AMOTL1: variants seen among roughly 807,000 people sequenced by gnomAD.
AMOTL1 encodes the protein angiomotin-like protein 1.
AMOTL1 carries 45 observed loss-of-function variants against 102.9 expected under a neutral mutation model. The observed-to-expected ratio is 0.44, with a 90% CI of 0.34 to 0.56. The LOEUF is 0.56. Ranked by LOEUF, AMOTL1 falls within the 20% of genes least tolerant of loss-of-function variation. The pLI, the probability that AMOTL1 is intolerant of heterozygous loss-of-function variation, is 0.01. For synonymous variants in AMOTL1, 481 were observed against 484.7 expected (o/e 0.99, Z 0.10); for missense variants, 1,114 against 1,225.6 (o/e 0.91, Z 1.36).
intron 8 of AMOTL1, among the ~76,000 whole-genome samples, chr11:94,855,511 C>T (rs922408266): frequency 9.2e-5 from 14 of 152,212 alleles, no homozygotes; most frequent in Admixed American, 7.2e-4. Context: ...GTTCCAGGTA[C>T]AGCACTGGCC....
At chr11:94,724,317 G>A (rs925286472) in intron 1 of AMOTL1, among the ~76,000 whole-genome samples, 3 of 152,136 alleles carry the variant, frequency 2.0e-5, no homozygotes, top group African/African-American at 4.8e-5. Flanking sequence ...CAGGAGTTCC[G>A]GGAACAGCTC....
chr11:94,793,909 A>T (rs907064484), intron 1 of AMOTL1, among the ~76,000 whole-genome samples: 3 of 152,236 alleles, frequency 2.0e-5, no homozygotes, highest in Admixed American at 6.5e-5. Context: ...ATGTGCCTGT[A>T]ATACATGTGA....
chr11:94,729,202 T>C, intron 2 of AMOTL1: 1 of 469,186 alleles, frequency 2.1e-6, no homozygotes, highest in Non-Finnish European at 3.5e-6. Flanking sequence ...GACTTTGAAG[T>C]CAGACAGACC....
At chr11:94,828,441 T>TA (rs1326125825) in intron 4 of AMOTL1, among the ~76,000 whole-genome samples, 1 of 152,134 alleles carries the variant, frequency 6.6e-6, no homozygotes, top group Non-Finnish European at 1.5e-5. Flanking sequence ...TATAAAAACT[T>TA]GGATGAGATC....
At chr11:94,750,808 A>G (rs966203938) in intron 3 of AMOTL1, among the ~76,000 whole-genome samples, 1 of 152,148 alleles carries the variant, frequency 6.6e-6, no homozygotes, top group Non-Finnish European at 1.5e-5. Flanking sequence ...CAACAAAACA[A>G]TCACAAAATA....
chr11:94,845,385 A>G (rs11827995), intron 6 of AMOTL1, among the ~76,000 whole-genome samples: 7,331 of 152,266 alleles, frequency 0.048, 558 homozygotes, highest in African/African-American at 0.17. Flanking sequence ...TCGACATTGT[A>G]CAAGTGTCAT....
At chr11:94,807,562 C>T (rs1951587190) in intron 3 of AMOTL1, among the ~76,000 whole-genome samples, 3 of 152,070 alleles carry the variant, frequency 2.0e-5, no homozygotes, top group African/African-American at 4.8e-5. Context: ...GAAGAAAAAT[C>T]CATAGTCCCA....
intron 1 of AMOTL1, among the ~76,000 whole-genome samples, chr11:94,708,852 A>G (rs79557862): frequency 0.012 from 1,900 of 152,284 alleles, 46 homozygotes; most frequent in African/African-American, 0.043. Context: ...AGTACTACCA[A>G]TTGAGTACAG....
chr11:94,827,420 C>T (rs558098861), intron 4 of AMOTL1, among the ~76,000 whole-genome samples: 69 of 152,218 alleles, frequency 4.5e-4, no homozygotes, highest in Middle Eastern at 6.8e-3. Flanking sequence ...GTGACATGCC[C>T]AGCTGTCTGA....
intron 1 of AMOTL1, among the ~76,000 whole-genome samples, chr11:94,709,878 G>A (rs1233807551): frequency 1.3e-5 from 2 of 152,134 alleles, no homozygotes; most frequent in East Asian, 3.9e-4. Context: ...CCCCTGAGAT[G>A]GTGTCAGAAA....
intron 4 of AMOTL1, among the ~76,000 whole-genome samples, chr11:94,826,111 C>T (rs1248519265): frequency 6.6e-6 from 1 of 151,990 alleles, no homozygotes; most frequent in African/African-American, 2.4e-5. Flanking sequence ...ATGGTGAAAC[C>T]CCATGTCTAC....
intron 2 of AMOTL1, among the ~76,000 whole-genome samples, chr11:94,739,964 AATCTTTTAT>A (rs1421339847): frequency 2.6e-5 from 4 of 152,130 alleles, no homozygotes; most frequent in African/African-American, 9.7e-5. Context: ...GAAAGCAGTC[AATCTTTTAT>A]AGAGTAGAAG....
At chr11:94,796,929 A>G in intron 2 of AMOTL1, 1 of 914,500 alleles carries the variant, frequency 1.1e-6, no homozygotes, top group South Asian at 5.1e-5. Context: ...ATATAAGCAT[A>G]TCACACCACC....
chr11:94,860,590 G>A (rs1006440002), intron 9 of AMOTL1, among the ~76,000 whole-genome samples: 4 of 152,310 alleles, frequency 2.6e-5, no homozygotes, highest in Non-Finnish European at 5.9e-5. Context: ...TGGGGTGGCT[G>A]TGCAGGGGAC....
At chr11:94,771,611 T>C (rs1047307178) in intron 1 of AMOTL1, among the ~76,000 whole-genome samples, 2 of 152,170 alleles carry the variant, frequency 1.3e-5, no homozygotes, top group African/African-American at 4.8e-5. Context: ...TTGGCCATTG[T>C]GGGTAGGGCA....
At chr11:94,783,001 T>C (rs1445678708) in intron 1 of AMOTL1, among the ~76,000 whole-genome samples, 1 of 152,188 alleles carries the variant, frequency 6.6e-6, no homozygotes, top group Non-Finnish European at 1.5e-5. Context: ...CAGTTTCAAA[T>C]GCATTAAATA....
At position 94,850,256 on chromosome 11, in the gene AMOTL1, G is replaced by A. The variant is rs1326964938; in HGVS notation, c.1791G>A (p.Glu597=). 1 of 1,593,772 alleles carries A rather than the reference G, an allele frequency of 6.3e-7. No homozygotes were observed. The highest frequency in any genetic ancestry group is 8.5e-7 in the Non-Finnish European group (1 of 1,170,222). Residue 597 remains glutamate, a synonymous_variant, in exon 7 of 13, where the codon GAG becomes GAA. Transcript: ENST00000433060. The part of the protein sequence containing the change: ...NAQARVIKLE[E]ELREKQAYVE... The stretch of plus-strand genomic sequence containing the variant: ...AGGCCAGGGTCATCAAGCTGGAAGA[G>A]GAGGTGAGACCAGGCTGTGGGGATT...
chr11:94,868,859 A>G (rs1952934454), intron 11 of AMOTL1, among the ~76,000 whole-genome samples: 1 of 151,960 alleles, frequency 6.6e-6, no homozygotes, highest in Non-Finnish European at 1.5e-5. Context: ...CTGTTCGTCC[A>G]TACCACCCTG....
intron 6 of AMOTL1, among the ~76,000 whole-genome samples, chr11:94,831,980 AGTGATCGCATTATATATCTCCAT>A (rs1312669228): frequency 6.6e-6 from 1 of 152,230 alleles, no homozygotes; most frequent in East Asian, 1.9e-4. Flanking sequence ...AAGCCATCTA[AGTGATCGCATTATATATCTCCAT>A]GTGTAACACT....
Sources: allele counts gnomAD v4.1 joint callset (sites outside exome capture counted in the v4.1 genomes callset), GRCh38; gene constraint gnomAD v4.1.1; transcripts MANE v1.5; gene names NCBI Gene and HGNC (gene_info 2026-07-23, HGNC 2026-07-21).